The following CHRM3 variants were observed in gnomAD, a reference collection of about 807,000 sequenced individuals.
CHRM3 encodes cholinergic receptor muscarinic 3, also known as muscarinic acetylcholine receptor M3.
CHRM3 carries 11 observed loss-of-function variants against 41.8 expected under a neutral mutation model. That is an observed-to-expected ratio of 0.26 (90% CI 0.17 to 0.44). CHRM3 has a LOEUF of 0.44. CHRM3 is among the 20% of genes least tolerant of loss of function. CHRM3 has a pLI of 1.00. For synonymous variants in CHRM3, 297 were observed against 301.4 expected, an observed-to-expected ratio of 0.99 and a Z score of 0.15; for missense variants, 571 against 745.4, an observed-to-expected ratio of 0.77 and a Z score of 2.72.
chr1:239,444,335 C>A (rs570314762), intron 1 of CHRM3, among the ~76,000 whole-genome samples: 2 of 152,240 alleles, frequency 1.3e-5, no homozygotes, highest in South Asian at 4.1e-4. Context: ...TACCATAGGT[C>A]ACACAAAGAT....
At chr1:239,895,252 T>C (rs1678896784) in intron 6 of CHRM3, among the ~76,000 whole-genome samples, 1 of 152,174 alleles carries the variant, frequency 6.6e-6, no homozygotes, top group South Asian at 2.1e-4. Context: ...TTCCACTGAA[T>C]TCTTTCGTTT....
chr1:239,617,834 A>C (rs1667796438), intron 3 of CHRM3, among the ~76,000 whole-genome samples: 1 of 152,174 alleles, frequency 6.6e-6, no homozygotes. Flanking sequence ...CCTTCTTCAC[A>C]CACACATGCT....
intron 5 of CHRM3, among the ~76,000 whole-genome samples, chr1:239,693,391 C>T (rs756363404): frequency 1.3e-5 from 2 of 151,922 alleles, no homozygotes; most frequent in Non-Finnish European, 2.9e-5. Context: ...ATGCAAAGAC[C>T]ATATGAGAAG....
chr1:239,858,535 A>G (rs796551996), intron 6 of CHRM3, among the ~76,000 whole-genome samples: 5 of 151,716 alleles, frequency 3.3e-5, no homozygotes, highest in African/African-American at 1.2e-4. Context: ...AAAAAAAAAA[A>G]AGAGAATAAT....
chr1:239,640,406 TG>T (rs996207396), intron 4 of CHRM3, among the ~76,000 whole-genome samples: 213 of 152,284 alleles, frequency 1.4e-3, no homozygotes, highest in South Asian at 4.1e-3. Flanking sequence ...GGACTCTTTT[TG>T]GTTGGTAAGC....
At chr1:239,831,714 G>A (rs982644583) in intron 6 of CHRM3, among the ~76,000 whole-genome samples, 12 of 152,144 alleles carry the variant, frequency 7.9e-5, no homozygotes, top group Non-Finnish European at 1.2e-4. Context: ...TGAGGCCCGG[G>A]GGTGCTTGAC....
chr1:239,694,005 A>G (rs1001094519), intron 5 of CHRM3, among the ~76,000 whole-genome samples: 1 of 152,298 alleles, frequency 6.6e-6, no homozygotes, highest in South Asian at 2.1e-4. Flanking sequence ...TCATATAGCA[A>G]TAATTCATCT....
In CHRM3 at chr1:239,900,785, T is replaced by G. The variant is rs116716611; in HGVS notation, c.-19-6648T>G. On this transcript the variant is annotated intron_variant, in intron 6 of 6. Coordinates refer to ENST00000676153, the MANE Select transcript of CHRM3 (RefSeq NM_001375978.1). The stretch of plus-strand genomic sequence containing the variant: ...ATCCACAACCCAAGTAGAACTAGGA[T>G]TTCTTATGTGTGAGACAATACATTG... 5.3e-3 allele frequency among the ~76,000 whole-genome samples: 805 copies of G among 152,220 alleles called. 4 individuals are homozygous for G. The highest frequency in any genetic ancestry group is 0.019 in the African/African-American group (779 of 41,518).
intron 1 of CHRM3, among the ~76,000 whole-genome samples, chr1:239,480,843 C>T (rs1230690750): frequency 6.6e-6 from 1 of 152,122 alleles, no homozygotes; most frequent in African/African-American, 2.4e-5. Context: ...CAGGCGTGAG[C>T]CACTGCGCCT....
intron 1 of CHRM3, among the ~76,000 whole-genome samples, chr1:239,391,689 G>A (rs188496998): frequency 1.1e-3 from 173 of 152,300 alleles, no homozygotes; most frequent in Middle Eastern, 6.8e-3. Context: ...GTCAACAGAA[G>A]GAATATTCTG....
At chr1:239,880,201 C>T (rs769957278) in intron 6 of CHRM3, among the ~76,000 whole-genome samples, 2 of 152,188 alleles carry the variant, frequency 1.3e-5, no homozygotes, top group Non-Finnish European at 2.9e-5. Flanking sequence ...GTAGTCAAGC[C>T]TTGTGGCTCT....
intron 5 of CHRM3, among the ~76,000 whole-genome samples, chr1:239,784,140 C>G (rs990765327): frequency 1.3e-5 from 2 of 152,132 alleles, no homozygotes; most frequent in Non-Finnish European, 2.9e-5. Flanking sequence ...CATCGTTAGG[C>G]CTTCTTGGGA....
chr1:239,475,584 A>T (rs1339805588), intron 1 of CHRM3, among the ~76,000 whole-genome samples: 1 of 152,180 alleles, frequency 6.6e-6, no homozygotes, highest in Non-Finnish European at 1.5e-5. Context: ...TAGAATAGAA[A>T]AAGGCATGAA....
At chr1:239,542,098 G>A (rs900465722) in intron 2 of CHRM3, among the ~76,000 whole-genome samples, 1 of 152,028 alleles carries the variant, frequency 6.6e-6, no homozygotes, top group African/African-American at 2.4e-5. Flanking sequence ...TTCCCCCGGA[G>A]ATTATAATTA....
At chr1:239,568,076 G>A (rs115595190) in intron 3 of CHRM3, among the ~76,000 whole-genome samples, 18 of 152,226 alleles carry the variant, frequency 1.2e-4, no homozygotes, top group Middle Eastern at 3.4e-3. Flanking sequence ...AGGAAGTGCC[G>A]GCTGCAGAGC....
At chr1:239,757,498 C>G (rs1018642718) in intron 5 of CHRM3, among the ~76,000 whole-genome samples, 1 of 151,870 alleles carries the variant, frequency 6.6e-6, no homozygotes, top group Admixed American at 6.6e-5. Context: ...GGCGTGGTGG[C>G]GAGCCCCTGT....
chr1:239,776,825 C>G (rs747168885), intron 5 of CHRM3, among the ~76,000 whole-genome samples: 1 of 152,104 alleles, frequency 6.6e-6, no homozygotes, highest in Non-Finnish European at 1.5e-5. Flanking sequence ...TCCTTCGTCA[C>G]ATGGCAGCAG....
At chr1:239,821,741 G>A (rs1672069238) in intron 5 of CHRM3, among the ~76,000 whole-genome samples, 1 of 152,130 alleles carries the variant, frequency 6.6e-6, no homozygotes, top group Non-Finnish European at 1.5e-5. Flanking sequence ...AACTGTACTT[G>A]GAACACTTGG....
intron 6 of CHRM3, among the ~76,000 whole-genome samples, chr1:239,874,458 C>T (rs1183151406): frequency 1.3e-5 from 2 of 151,124 alleles, no homozygotes; most frequent in Non-Finnish European, 2.9e-5. Context: ...AAAGGACCAA[C>T]TTTTCATAAT....
Sources: gnomAD v4.1 joint callset for allele counts (sites outside exome capture counted in the v4.1 genomes callset) on GRCh38, gnomAD v4.1.1 for gene constraint, MANE v1.5 for transcripts, NCBI Gene and HGNC (gene_info 2026-07-23, HGNC 2026-07-21) for gene names.